Variants in ADAM32 observed in about 807,000 individuals in gnomAD.
The protein encoded by ADAM32 is ADAM metallopeptidase domain 32.
ADAM32 carries 89 observed loss-of-function variants against 114.9 expected under a neutral mutation model. The observed-to-expected ratio is 0.77, with a 90% CI of 0.65 to 0.92. The LOEUF (loss-of-function observed/expected upper bound fraction) is 0.92, where lower values mean the gene tolerates loss of function less well. Ranked by LOEUF, ADAM32 falls within the 40% of genes least tolerant of loss-of-function variation. The probability of loss-of-function intolerance (pLI) is 0.00; values close to 1 mark genes in which losing one functional copy is unlikely to be tolerated. For missense variants in ADAM32, 870 were observed against 932.8 expected (o/e 0.93, Z 0.88); for synonymous variants, 285 against 307.5 (o/e 0.93, Z 0.77).
intron 2 of ADAM32, among the ~76,000 whole-genome samples, chr8:39,118,520 C>G (rs1840468256): frequency 6.6e-6 from 1 of 152,078 alleles, no homozygotes; most frequent in Non-Finnish European, 1.5e-5. Flanking sequence ...TCAATCTCCA[C>G]CCCTACACCT....
At chr8:39,252,764 A>G (rs771555374) in intron 17 of ADAM32, among the ~76,000 whole-genome samples, 1 of 151,650 alleles carries the variant, frequency 6.6e-6, no homozygotes, top group African/African-American at 2.4e-5. Context: ...AAATTTTTTA[A>G]GAAGATACTG....
intron 12 of ADAM32, among the ~76,000 whole-genome samples, chr8:39,217,937 G>A (rs1808701198): frequency 6.6e-6 from 1 of 152,068 alleles, no homozygotes; most frequent in Non-Finnish European, 1.5e-5. Context: ...ATGTTCTTTG[G>A]TTTCTGGGCA....
intron 10 of ADAM32, among the ~76,000 whole-genome samples, chr8:39,176,302 A>G (rs1031957955): frequency 2.0e-5 from 3 of 151,998 alleles, no homozygotes; most frequent in African/African-American, 7.2e-5. Context: ...AGATATTTCT[A>G]GCTTTTTGAT....
intron 11 of ADAM32, among the ~76,000 whole-genome samples, chr8:39,190,053 C>T (rs867186136): frequency 3.3e-5 from 5 of 152,282 alleles, no homozygotes; most frequent in Middle Eastern, 3.4e-3. Context: ...CTCCTGACCT[C>T]GTGATCCGCC....
chr8:39,267,932 G>T (rs1812471909), intron 19 of ADAM32, among the ~76,000 whole-genome samples: 1 of 152,196 alleles, frequency 6.6e-6, no homozygotes, highest in African/African-American at 2.4e-5. Flanking sequence ...TGGCAGGAAG[G>T]TTGTTTACCA....
intron 11 of ADAM32, among the ~76,000 whole-genome samples, chr8:39,206,972 A>G (rs1807881309): frequency 6.6e-6 from 1 of 151,926 alleles, no homozygotes. Flanking sequence ...GAACAATACC[A>G]ACTTGTGGAC....
chr8:39,253,464 G>A (rs563182588), intron 17 of ADAM32, among the ~76,000 whole-genome samples: 2 of 151,708 alleles, frequency 1.3e-5, no homozygotes, highest in South Asian at 2.1e-4. Flanking sequence ...GCATCCAAAT[G>A]GGAAAGTAGA....
chr8:39,231,540 A>C (rs1585599033), intron 14 of ADAM32, among the ~76,000 whole-genome samples: 1 of 152,298 alleles, frequency 6.6e-6, no homozygotes, highest in African/African-American at 2.4e-5. Context: ...TTTTACAGAG[A>C]AATAAAAAAT....
At chr8:39,216,939 G>A (rs1408151449) in intron 12 of ADAM32, among the ~76,000 whole-genome samples, 1 of 151,926 alleles carries the variant, frequency 6.6e-6, no homozygotes, top group African/African-American at 2.4e-5. Context: ...ACTCTTACCA[G>A]TGAGTTTTGT....
intron 14 of ADAM32, among the ~76,000 whole-genome samples, chr8:39,231,458 C>T (rs1244827470): frequency 6.6e-6 from 1 of 152,094 alleles, no homozygotes; most frequent in Admixed American, 6.6e-5. Flanking sequence ...AACCTGTATG[C>T]CTTGCTGAAC....
chr8:39,275,250 C>A (rs1386566369), intron 21 of ADAM32, among the ~76,000 whole-genome samples: 1 of 152,230 alleles, frequency 6.6e-6, no homozygotes, highest in Admixed American at 6.5e-5. Flanking sequence ...ATGAAACTGA[C>A]TTGTGTACCC....
intron 2 of ADAM32, among the ~76,000 whole-genome samples, chr8:39,125,192 T>A (rs532985330): frequency 6.6e-6 from 1 of 152,170 alleles, no homozygotes; most frequent in South Asian, 2.1e-4. Flanking sequence ...TTTAATGGAG[T>A]TTTTTGTTTT....
At chr8:39,185,434 T>C (rs1227821947) in intron 10 of ADAM32, among the ~76,000 whole-genome samples, 1 of 152,162 alleles carries the variant, frequency 6.6e-6, no homozygotes, top group African/African-American at 2.4e-5. Context: ...TTTCCAAGTG[T>C]CTTGAAGGAA....
chr8:39,263,144 C>T (rs1030671079), intron 19 of ADAM32, among the ~76,000 whole-genome samples: 2 of 152,154 alleles, frequency 1.3e-5, no homozygotes, highest in Non-Finnish European at 2.9e-5. Flanking sequence ...TGATGTTCTA[C>T]ATGTAATAAT....
chr8:39,216,059 T>G (rs1808543645), intron 12 of ADAM32, among the ~76,000 whole-genome samples: 1 of 152,098 alleles, frequency 6.6e-6, no homozygotes, highest in Non-Finnish European at 1.5e-5. Context: ...TAATAATATT[T>G]GCTTTATATA....
intron 17 of ADAM32, among the ~76,000 whole-genome samples, chr8:39,248,571 G>T (rs1811081212): frequency 6.6e-6 from 1 of 152,100 alleles, no homozygotes; most frequent in South Asian, 2.1e-4. Flanking sequence ...TCACTTGTTA[G>T]TTCCAAGGGT....
chr8:39,186,081 G>A (rs896861082), intron 10 of ADAM32, among the ~76,000 whole-genome samples: 36 of 152,142 alleles, frequency 2.4e-4, no homozygotes, highest in African/African-American at 7.2e-4. Flanking sequence ...CTTCATTGCT[G>A]CTGCAGAGGC....
chr8:39,216,975 G>A (rs1019982800), intron 12 of ADAM32, among the ~76,000 whole-genome samples: 6 of 151,730 alleles, frequency 4.0e-5, no homozygotes, highest in Non-Finnish European at 7.4e-5. Flanking sequence ...ATTATCACTC[G>A]TTAACGTCCT....
intron 9 of ADAM32, chr8:39,166,033 C>T (rs1002098611): frequency 2.0e-5 from 3 of 151,954 alleles, no homozygotes; most frequent in African/African-American, 7.3e-5. Context: ...AAAATAATTT[C>T]ATTATCTTTA....
Sources: allele counts gnomAD v4.1 joint callset (sites outside exome capture counted in the v4.1 genomes callset), GRCh38; gene constraint gnomAD v4.1.1; transcripts MANE v1.5; gene names NCBI Gene and HGNC (gene_info 2026-07-23, HGNC 2026-07-21).